Variants in BICC1 observed in about 807,000 individuals in gnomAD.
The protein encoded by BICC1 is protein bicaudal C homolog 1.
A neutral mutation model predicts 111.0 loss-of-function variants in BICC1; 43 were observed. The ratio of observed to expected loss-of-function variants is 0.39; its 90% CI spans 0.30 to 0.50. BICC1 has a LOEUF of 0.50. Ranked by LOEUF, BICC1 falls within the 20% of genes least tolerant of loss-of-function variation. The pLI is 0.88. For synonymous variants in BICC1, 467 were observed against 434.4 expected, an observed-to-expected ratio of 1.07 and a Z score of -0.93; for missense variants, 1,091 against 1,203.2, an observed-to-expected ratio of 0.91 and a Z score of 1.38.
At chr10:58,569,246 A>G (rs1398697655) in intron 1 of BICC1, among the ~76,000 whole-genome samples, 1 of 152,148 alleles carries the variant, frequency 6.6e-6, no homozygotes, top group Non-Finnish European at 1.5e-5. Context: ...GTATGACTCA[A>G]TGTTCGTCTA....
At chr10:58,762,869 A>G (rs899012318) in intron 3 of BICC1, among the ~76,000 whole-genome samples, 11 of 151,420 alleles carry the variant, frequency 7.3e-5, no homozygotes, top group African/African-American at 2.7e-4. Flanking sequence ...CACAGGATTT[A>G]AGCAATTTCA....
intron 1 of BICC1, among the ~76,000 whole-genome samples, chr10:58,600,372 G>A (rs954616938): frequency 6.6e-6 from 1 of 152,024 alleles, no homozygotes; most frequent in Admixed American, 6.6e-5. Flanking sequence ...GCCACGGCCC[G>A]GGAATGGAGA....
At chr10:58,805,715 A>G (rs1227664082) in intron 15 of BICC1, among the ~76,000 whole-genome samples, 1 of 152,212 alleles carries the variant, frequency 6.6e-6, no homozygotes, top group Non-Finnish European at 1.5e-5. Flanking sequence ...GGTACCTTAT[A>G]TATGATGGTA....
intron 17 of BICC1, among the ~76,000 whole-genome samples, chr10:58,810,593 A>C (rs1419291287): frequency 6.6e-6 from 1 of 152,102 alleles, no homozygotes. Flanking sequence ...GATTTTCTGC[A>C]GCAGTGGCTG....
chr10:58,533,527 C>T (rs896769074), intron 1 of BICC1, among the ~76,000 whole-genome samples: 2 of 151,366 alleles, frequency 1.3e-5, no homozygotes, highest in African/African-American at 4.8e-5. Flanking sequence ...TTTGATGTCC[C>T]CTCATCCATA....
intron 1 of BICC1, among the ~76,000 whole-genome samples, chr10:58,566,830 T>A (rs1296836457): frequency 6.6e-6 from 1 of 152,134 alleles, no homozygotes; most frequent in Non-Finnish European, 1.5e-5. Context: ...TTACTTGGAA[T>A]GTGTGTGCAT....
chr10:58,794,485 C>T (rs549471653), intron 9 of BICC1, among the ~76,000 whole-genome samples: 224 of 150,492 alleles, frequency 1.5e-3, no homozygotes, highest in Non-Finnish European at 2.4e-3. Flanking sequence ...GTGGTGTGAT[C>T]GTGGCTTACT....
chr10:58,742,948 G>A (rs1427746586), intron 3 of BICC1, among the ~76,000 whole-genome samples: 1 of 152,166 alleles, frequency 6.6e-6, no homozygotes, highest in East Asian at 1.9e-4. Flanking sequence ...GTATCCTGGA[G>A]AAGTGATGCA....
intron 1 of BICC1, among the ~76,000 whole-genome samples, chr10:58,615,672 C>G (rs1421085617): frequency 6.6e-6 from 1 of 152,112 alleles, no homozygotes; most frequent in Non-Finnish European, 1.5e-5. Flanking sequence ...TGGGCTGGAA[C>G]CTAACACTTG....
intron 1 of BICC1, among the ~76,000 whole-genome samples, chr10:58,601,940 A>G (rs1845055326): frequency 6.6e-6 from 1 of 152,160 alleles, no homozygotes; most frequent in South Asian, 2.1e-4. Flanking sequence ...GAGAATGTTT[A>G]CATTATATAT....
Position 58,797,235 on chromosome 10 carries a change from G to T in BICC1, c.1366+709G>T, listed in dbSNP as rs11006264. Among the ~76,000 whole-genome samples, 1,235 of 152,264 alleles carry T rather than the reference G, an allele frequency of 8.1e-3. 8 individuals carry two copies. Among genetic ancestry groups the T allele is most frequent in the Non-Finnish European group, 0.012 (844 of 68,010 alleles). On this transcript the variant is annotated intron_variant, in intron 10 of 20. Coordinates refer to ENST00000373886, the MANE Select transcript of BICC1 (RefSeq NM_001080512.3). ...TTTCTTTCCTGCACATTTCTCAGTTGCATTTATTTTCCTTAATCAGTACTC... is the reference window on the plus strand; with the variant it reads ...TTTCTTTCCTGCACATTTCTCAGTTTCATTTATTTTCCTTAATCAGTACTC...
intron 3 of BICC1, among the ~76,000 whole-genome samples, chr10:58,705,837 G>A (rs933337095): frequency 2.0e-5 from 3 of 152,128 alleles, no homozygotes; most frequent in East Asian, 3.8e-4. Context: ...ATTTTTCAAG[G>A]CCTTGCCCTA....
chr10:58,719,176 C>G (rs866470160), intron 3 of BICC1, among the ~76,000 whole-genome samples: 3 of 152,168 alleles, frequency 2.0e-5, no homozygotes, highest in South Asian at 4.1e-4. Flanking sequence ...AATTCACCTT[C>G]TGTGCTGTGC....
At chr10:58,828,624 A>T in intron 20 of BICC1, 137 bp from the exon 21 acceptor site, 1 of 803,090 alleles carries the variant, frequency 1.2e-6, no homozygotes, top group South Asian at 1.9e-5. Flanking sequence ...ATCAACTAAA[A>T]GTTTTCCTTT....
chr10:58,741,017 G>C (rs2132603722), intron 3 of BICC1, among the ~76,000 whole-genome samples: 1 of 152,324 alleles, frequency 6.6e-6, no homozygotes, highest in African/African-American at 2.4e-5. Context: ...GGTTTCAAAT[G>C]GTGAGGAGCA....
intron 1 of BICC1, among the ~76,000 whole-genome samples, chr10:58,579,604 A>G (rs1844212101): frequency 6.6e-6 from 1 of 152,186 alleles, no homozygotes; most frequent in Admixed American, 6.5e-5. Context: ...GGATGTCAGC[A>G]AATCACTGCT....
intron 3 of BICC1, among the ~76,000 whole-genome samples, chr10:58,757,393 T>C (rs911902065): frequency 1.3e-5 from 2 of 152,188 alleles, no homozygotes; most frequent in African/African-American, 4.8e-5. Context: ...CCAACTATTA[T>C]CATGTTTCTA....
chr10:58,677,953 G>A (rs923050664), intron 2 of BICC1, among the ~76,000 whole-genome samples: 37 of 152,314 alleles, frequency 2.4e-4, no homozygotes, highest in African/African-American at 8.9e-4. Flanking sequence ...AGCTTCATAA[G>A]TGAGGGAGAA....
At chr10:58,599,252 A>G (rs1342086448) in intron 1 of BICC1, among the ~76,000 whole-genome samples, 1 of 152,188 alleles carries the variant, frequency 6.6e-6, no homozygotes, top group African/African-American at 2.4e-5. Context: ...AACCAACCCA[A>G]ATGTACCTCA....
Sources: allele counts gnomAD v4.1 joint callset (sites outside exome capture counted in the v4.1 genomes callset), GRCh38; gene constraint gnomAD v4.1.1; transcripts MANE v1.5; gene names NCBI Gene and HGNC (gene_info 2026-07-23, HGNC 2026-07-21).